HHAT: variants seen among roughly 807,000 people sequenced by gnomAD.
The protein encoded by HHAT is hedgehog acyltransferase, also known as protein-cysteine N-palmitoyltransferase HHAT.
Under a neutral mutation model 70.8 loss-of-function variants are expected in HHAT, and 47 were observed. The ratio of observed to expected loss-of-function variants is 0.66; its 90% CI spans 0.53 to 0.85. HHAT has a LOEUF of 0.85. Among genes scored for constraint, HHAT ranks in the 40% least tolerant of loss-of-function variants. The pLI is 0.00. For synonymous variants in HHAT, 228 were observed against 247.6 expected, an observed-to-expected ratio of 0.92 and a Z score of 0.74; for missense variants, 609 against 604.8, an observed-to-expected ratio of 1.01 and a Z score of -0.07.
At chr1:210,568,164 T>C (rs1655229234) in intron 9 of HHAT, among the ~76,000 whole-genome samples, 2 of 152,210 alleles carry the variant, frequency 1.3e-5, no homozygotes, top group Admixed American at 1.3e-4. Context: ...TCCTACATAA[T>C]GAAGTCTCCA....
intron 7 of HHAT, among the ~76,000 whole-genome samples, chr1:210,434,107 AAAG>A (rs1019151506): frequency 1.3e-5 from 2 of 151,990 alleles, no homozygotes; most frequent in African/African-American, 2.4e-5. Flanking sequence ...AAGGTTTAAA[AAAG>A]AAGAAGGTAC....
At chr1:210,484,775 C>T (rs2094449738) in intron 8 of HHAT, among the ~76,000 whole-genome samples, 1 of 152,196 alleles carries the variant, frequency 6.6e-6, no homozygotes, top group African/African-American at 2.4e-5. Flanking sequence ...CAGCAGTTTA[C>T]AATTCATTAC....
chr1:210,337,941 T>C (rs1435267760), intron 1 of HHAT, among the ~76,000 whole-genome samples: 1 of 152,238 alleles, frequency 6.6e-6, no homozygotes, highest in East Asian at 1.9e-4. Flanking sequence ...TAAGATATTA[T>C]TTGAGTGCAG....
intron 9 of HHAT, among the ~76,000 whole-genome samples, chr1:210,574,650 T>G (rs564848066): frequency 5.2e-4 from 79 of 152,370 alleles, no homozygotes; most frequent in African/African-American, 1.7e-3. Flanking sequence ...ACTGGGTTGC[T>G]TTGAAAACCT....
intron 10 of HHAT, among the ~76,000 whole-genome samples, chr1:210,600,639 G>T (rs559692043): frequency 1.3e-5 from 2 of 152,154 alleles, no homozygotes; most frequent in African/African-American, 2.4e-5. Context: ...CACCCAAGCT[G>T]GGTGGACGTA....
At chr1:210,349,102 A>C in intron 2 of HHAT, 36 bp downstream of exon 2, 6 of 1,601,936 alleles carry the variant, frequency 3.7e-6, no homozygotes, top group Non-Finnish European at 5.1e-6. Flanking sequence ...CCTATCAAAC[A>C]AGGAAACTCC....
chr1:210,589,156 AT>A (rs2148791191), intron 10 of HHAT: 1 of 152,380 alleles, frequency 6.6e-6, no homozygotes, highest in Admixed American at 6.5e-5. Flanking sequence ...ATGTGGCTAC[AT>A]TCCACCCAGT....
intron 3 of HHAT, among the ~76,000 whole-genome samples, chr1:210,385,007 A>G (rs1158456917): frequency 6.6e-6 from 1 of 152,152 alleles, no homozygotes; most frequent in East Asian, 1.9e-4. Flanking sequence ...GTTTTCTGTG[A>G]TAATTAGAGG....
At position 210,583,605 on chromosome 1, in the gene HHAT, A is replaced by G. The variant is rs558469801; in HGVS notation, c.1044-4293A>G. Among the ~76,000 whole-genome samples, 4 of 152,362 alleles carry G rather than the reference A, an allele frequency of 2.6e-5. No homozygotes were observed. In the East Asian group the frequency reaches 5.8e-4, roughly 22 times the overall value. ...TTACCACACGTACTGTCTTCTATAAATTAGGAATAAAGAAGGGATTTTTAT... is the reference window on the plus strand; with the variant it reads ...TTACCACACGTACTGTCTTCTATAAGTTAGGAATAAAGAAGGGATTTTTAT... On this transcript the variant is annotated intron_variant, in intron 9 of 11. Coordinates refer to ENST00000261458, the MANE Select transcript of HHAT (RefSeq NM_018194.6).
intron 9 of HHAT, among the ~76,000 whole-genome samples, chr1:210,564,153 G>A (rs1003858568): frequency 2.6e-5 from 4 of 150,962 alleles, no homozygotes; most frequent in Admixed American, 1.3e-4. Context: ...AGTAGAGATG[G>A]GGTTTCACCA....
intron 11 of HHAT, among the ~76,000 whole-genome samples, chr1:210,641,078 C>G (rs543031991): frequency 6.6e-6 from 1 of 152,034 alleles, no homozygotes; most frequent in Non-Finnish European, 1.5e-5. Flanking sequence ...CTTTAGGGTA[C>G]GAATTATGAG....
chr1:210,470,364 A>G (rs2148457323), intron 8 of HHAT, among the ~76,000 whole-genome samples: 1 of 152,268 alleles, frequency 6.6e-6, no homozygotes, highest in East Asian at 1.9e-4. Context: ...GTTTCCAGCC[A>G]CTAGACATTT....
intron 1 of HHAT, among the ~76,000 whole-genome samples, chr1:210,338,568 T>C (rs1435230698): frequency 2.0e-5 from 3 of 152,136 alleles, no homozygotes; most frequent in African/African-American, 7.3e-5. Context: ...AGGCACTGTT[T>C]TATCATTTTA....
intron 9 of HHAT, among the ~76,000 whole-genome samples, chr1:210,572,282 G>T (rs1460162713): frequency 1.3e-5 from 2 of 152,166 alleles, no homozygotes; most frequent in Non-Finnish European, 2.9e-5. Context: ...CGGAGAGGGA[G>T]CAGCCTCCTC....
At chr1:210,539,325 G>A (rs908905448) in intron 9 of HHAT, among the ~76,000 whole-genome samples, 3 of 152,294 alleles carry the variant, frequency 2.0e-5, no homozygotes, top group Non-Finnish European at 2.9e-5. Flanking sequence ...AATTGTTTTA[G>A]TGTTTGAAGC....
At chr1:210,532,083 A>G (rs912792592) in intron 9 of HHAT, among the ~76,000 whole-genome samples, 4 of 152,240 alleles carry the variant, frequency 2.6e-5, no homozygotes, top group Non-Finnish European at 5.9e-5. Context: ...AGCCCATAGC[A>G]TCTGTTTCTA....
chr1:210,542,777 T>A (rs943948609), intron 9 of HHAT, among the ~76,000 whole-genome samples: 18 of 152,298 alleles, frequency 1.2e-4, no homozygotes, highest in African/African-American at 4.3e-4. Flanking sequence ...CCAGTCTGGT[T>A]GACAGAGTGA....
Position 210,441,703 on chromosome 1 carries a change from T to C in HHAT, c.857-22802T>C, listed in dbSNP as rs2093512303. 1.3e-5 allele frequency among the ~76,000 whole-genome samples: 2 copies of C among 152,286 alleles called. 1 individual carries two copies. The highest frequency in any genetic ancestry group is 2.9e-5 in the Non-Finnish European group (2 of 68,030). ...GATTGGTAGTTGGAAAAAGTATTTGTTCATTGACATCTTCTCCAATTTGTA... is the reference window on the plus strand; with the variant it reads ...GATTGGTAGTTGGAAAAAGTATTTGCTCATTGACATCTTCTCCAATTTGTA... On this transcript the variant is annotated intron_variant, in intron 7 of 11. Transcript: ENST00000261458.
intron 11 of HHAT, among the ~76,000 whole-genome samples, chr1:210,645,883 G>A (rs967100623): frequency 2.6e-5 from 4 of 152,126 alleles, no homozygotes; most frequent in Non-Finnish European, 5.9e-5. Flanking sequence ...TTCCCTATAC[G>A]CTCTCTAGCC....
Sources: allele counts gnomAD v4.1 joint callset (sites outside exome capture counted in the v4.1 genomes callset), GRCh38; gene constraint gnomAD v4.1.1; transcripts MANE v1.5; gene names NCBI Gene and HGNC (gene_info 2026-07-23, HGNC 2026-07-21).